The following DPF1 variants were observed in gnomAD, a reference collection of about 807,000 sequenced individuals.
DPF1 encodes double PHD fingers 1.
A neutral mutation model predicts 58.7 loss-of-function variants in DPF1; 14 were observed. The ratio of observed to expected loss-of-function variants is 0.24; its 90% CI spans 0.16 to 0.37. The LOEUF is 0.37. DPF1 is among the 10% of genes least tolerant of loss of function. The pLI is 1.00. For missense variants in DPF1, 345 were observed against 529.9 expected, an observed-to-expected ratio of 0.65 and a Z score of 3.43; for synonymous variants, 216 against 216.0, an observed-to-expected ratio of 1.00 and a Z score of 0.00.
At chr19:38,221,608 C>G (rs1440646463) in intron 3 of DPF1, among the ~76,000 whole-genome samples, 3 of 152,006 alleles carry the variant, frequency 2.0e-5, no homozygotes, top group Non-Finnish European at 4.4e-5. Context: ...GTCAGCAACT[C>G]CATACACCCA....
At chr19:38,220,817 A>G (rs8104614) in intron 3 of DPF1, among the ~76,000 whole-genome samples, 28,504 of 151,940 alleles carry the variant, frequency 0.19, 2,765 homozygotes, top group African/African-American at 0.22. Context: ...AGACACAGCC[A>G]GGTGGGCACT....
At chr19:38,212,512 G>A (rs1973526128) in intron 10 of DPF1, 151 bp from the exon 11 acceptor site, 2 of 536,524 alleles carry the variant, frequency 3.7e-6, no homozygotes, top group Non-Finnish European at 3.3e-6. Flanking sequence ...CAGGAAATGT[G>A]TGCGCAACAC....
Position 38,213,754 on chromosome 19 carries a change from G to A in DPF1, c.901C>T (p.His301Tyr), listed in dbSNP as rs1446655648. ...ACCGTGAATTGTAAACACGAGGGGT[G>A]TCCTGGGGGCCAAGGGGCAGGGGTG... ...ISCADCGRSGHPSCLQFTVNM... is the reference protein window; with the variant it reads ...ISCADCGRSGYPSCLQFTVNM... The change falls in exon 10 of 12, where the codon CAC becomes TAC. Residue 301 changes from histidine to tyrosine, a missense_variant and splice_region_variant. Coordinates refer to ENST00000355526, the MANE Select transcript of DPF1 (RefSeq NM_001135155.3). The A allele has an allele frequency of 6.2e-7, 1 of 1,613,368 alleles. No homozygotes were observed.
intron 6 of DPF1, 92 bp from the exon 7 acceptor site, chr19:38,217,683 C>A (rs1345394721): frequency 1.9e-6 from 3 of 1,550,734 alleles, no homozygotes; most frequent in African/African-American, 2.7e-5. Flanking sequence ...CCCCCCTCAG[C>A]CAGAGACCTG....
At chr19:38,217,679 TCAGCCAGAGACCTGAG>T in intron 6 of DPF1, 88 bp from the exon 7 acceptor site, 1 of 1,544,338 alleles carries the variant, frequency 6.5e-7, no homozygotes, top group East Asian at 2.3e-5. Context: ...ACCTCCCCCC[TCAGCCAGAGACCTGAG>T]CAGCCTCCCA....
At chr19:38,217,636 C>T (rs1366800272) in intron 6 of DPF1, 45 bp from the exon 7 acceptor site, 1 of 1,528,916 alleles carries the variant, frequency 6.5e-7, no homozygotes, top group South Asian at 1.2e-5. Context: ...CCCTCCGGGC[C>T]CCTGCCGCCT....
chr19:38,221,935 G>T (rs1967506490), intron 3 of DPF1, among the ~76,000 whole-genome samples: 1 of 152,000 alleles, frequency 6.6e-6, no homozygotes, highest in South Asian at 2.1e-4. Context: ...TACAAAATCA[G>T]CCGGGCATGG....
intron 3 of DPF1, among the ~76,000 whole-genome samples, chr19:38,221,539 C>T (rs74628406): frequency 7.1e-6 from 1 of 140,598 alleles, no homozygotes; most frequent in Non-Finnish European, 1.6e-5. Flanking sequence ...GACTCCATCT[C>T]AAAAAAAAAA....
At chr19:38,226,538 A>ACACACACACC (rs1181984493), upstream of DPF1, among the ~76,000 whole-genome samples, 13 of 144,848 alleles carry the variant, frequency 9.0e-5, no homozygotes, top group Admixed American at 3.5e-4. Context: ...ACACACACAC[A>ACACACACACC]CTCCTCTAGT....
rs757646996 is a variant in DPF1 at position 38,212,335 on chromosome 19, G to A, written c.1038C>T (p.Cys346=). 3.4e-6 allele frequency: 5 copies of A among 1,476,894 alleles called. No individual in the cohort carries two copies. Among genetic ancestry groups the A allele is most frequent in the East Asian group, 2.5e-5 (1 of 39,574 alleles). The allele number at this position is 1,476,894 out of a possible 1,614,324, so 91.5% of individuals were successfully genotyped here. ...NDDQLLFCDD[C]DRGYHMYCLS... is the part of the protein sequence containing the mutation. Reference sequence around the variant, plus strand: ...GGCAGTACATGTGGTAACCCCGATCGCAGTCATCACAAAACAGCAGCTGGT... The same window carrying A: ...GGCAGTACATGTGGTAACCCCGATCACAGTCATCACAAAACAGCAGCTGGT... The change falls in exon 11 of 12, where the codon TGC becomes TGT. Residue 346 remains cysteine, a synonymous_variant. Coordinates refer to ENST00000355526, the MANE Select transcript of DPF1 (RefSeq NM_001135155.3).
upstream of DPF1, among the ~76,000 whole-genome samples, chr19:38,224,798 C>A (rs1168949144): frequency 6.6e-6 from 1 of 152,222 alleles, no homozygotes; most frequent in African/African-American, 2.4e-5. The surrounding 1 kb of genome is among the most constrained non-coding windows in gnomAD (Gnocchi z 4.5). Context: ...AGTCACACCT[C>A]CAGGGTTCAA....
chr19:38,220,647 G>T (rs528652808), intron 3 of DPF1, among the ~76,000 whole-genome samples: 62 of 151,388 alleles, frequency 4.1e-4, no homozygotes, highest in Non-Finnish European at 7.1e-4. Context: ...AAAGAAAAAA[G>T]AAAAAAAGAA....
At chr19:38,227,005 C>CT (rs1189699836), upstream of DPF1, among the ~76,000 whole-genome samples, 102 of 133,880 alleles carry the variant, frequency 7.6e-4, no homozygotes, top group East Asian at 0.017. Flanking sequence ...TTCCTTCCTT[C>CT]CTTCCTTCCT....
chr19:38,221,532 T>G (rs1389159032), intron 3 of DPF1, among the ~76,000 whole-genome samples: 1 of 113,638 alleles, frequency 8.8e-6, no homozygotes, highest in Non-Finnish European at 1.7e-5. Flanking sequence ...AGAGCCAGAC[T>G]CCATCTCAAA....
upstream of DPF1, among the ~76,000 whole-genome samples, chr19:38,227,114 G>C (rs1300220307): frequency 7.7e-6 from 1 of 130,524 alleles, no homozygotes; most frequent in Admixed American, 8.9e-5. Flanking sequence ...CGTCTCACTC[G>C]ATGGCCCAGG....
In DPF1 at chr19:38,216,163, G is replaced by A. The variant is rs1470648029; in HGVS notation, c.875C>T (p.Ser292Phe). 6.2e-7 allele frequency: 1 copy of A among 1,614,014 alleles called. No homozygotes were observed. Among genetic ancestry groups the A allele is most frequent in the Non-Finnish European group, 8.5e-7 (1 of 1,179,984 alleles). The change falls in exon 9 of 12, where the codon TCC becomes TTC. Residue 292 changes from serine to phenylalanine, a missense_variant. By Grantham distance (155) the Ser-to-Phe change is radical. Coordinates refer to ENST00000355526, the MANE Select transcript of DPF1 (RefSeq NM_001135155.3). The part of the protein sequence containing the change: ...KKTGCPEDLI[S>F]CADCGRSGHP... ...ACCTGATCGCCCACAGTCCGCACAG[G>A]AGATGAGGTCCTCGGGACACCCCGT...
chr19:38,218,982 C>T lies in DPF1; in HGVS notation c.375G>A (p.Thr125=), dbSNP rs771080092. The change falls in exon 4 of 12, where the codon ACG becomes ACA. Residue 125 remains threonine, a synonymous_variant. Coordinates refer to ENST00000355526, the MANE Select transcript of DPF1 (RefSeq NM_001135155.3). ...PVLEALLCAE[T]GEKKIELKEE... ...CCTTCAGCTCAATCTTCTTCTCCCC[C>T]GTCTCTGCACACAGTAGAGCCTCGA... 2.8e-5 allele frequency: 45 copies of T among 1,614,098 alleles called. No homozygotes were observed. Among genetic ancestry groups the T allele is most frequent in the Admixed American group, 3.3e-5 (2 of 60,008 alleles).
chr19:38,212,286 G>T lies in DPF1; in HGVS notation c.1087C>A (p.Pro363Thr). 7.2e-7 allele frequency: 1 copy of T among 1,386,316 alleles called. No individual in the cohort carries two copies. The highest frequency in any genetic ancestry group is 9.5e-7 in the Non-Finnish European group (1 of 1,047,926). 85.9% of individuals were successfully genotyped at this position (1,386,316 alleles called of 1,614,324 possible). The change falls in exon 11 of 12, where the codon CCG becomes ACG. Residue 363 changes from proline (P) to threonine (T), a missense_variant. Physicochemically the swap from Pro to Thr is conservative, Grantham distance 38 (BLOSUM62 -1). Transcript: ENST00000355526. ...YCLSPPMAEP[P>T]EGSWSCHLCL... ...TGCCCACCTCTCCTCTCACCTTCCG[G>T]GGGCTCCGCCATGGGGGGACTCAGG...
intron 3 of DPF1, among the ~76,000 whole-genome samples, chr19:38,221,158 G>A (rs763237563): frequency 6.6e-6 from 1 of 152,106 alleles, no homozygotes; most frequent in African/African-American, 2.4e-5. Flanking sequence ...ACCTAAGAGA[G>A]GAAAGAGCTC....
Sources: allele counts gnomAD v4.1 joint callset (sites outside exome capture counted in the v4.1 genomes callset), GRCh38; gene constraint gnomAD v4.1.1; non-coding constraint Gnocchi (gnomAD v3.1); transcripts MANE v1.5; gene names NCBI Gene and HGNC (gene_info 2026-07-23, HGNC 2026-07-21).